TRHR: variants seen among roughly 807,000 people sequenced by gnomAD.
TRHR encodes thyrotropin-releasing hormone receptor.
In TRHR, 14 loss-of-function variants were observed where a neutral mutation model predicts 28.0. That is an observed-to-expected ratio of 0.50 (90% confidence interval 0.33 to 0.78). TRHR has a LOEUF of 0.78. Among genes scored for constraint, TRHR ranks in the 30% least tolerant of loss-of-function variants. The probability of loss-of-function intolerance (pLI) is 0.02; values close to 1 mark genes in which losing one functional copy is unlikely to be tolerated. For missense variants in TRHR, 438 were observed against 469.5 expected (o/e 0.93, Z 0.62); for synonymous variants, 176 against 171.9 (o/e 1.02, Z -0.18).
At chr8:109,105,549 G>A (rs578238569) in intron 2 of TRHR, among the ~76,000 whole-genome samples, 2 of 152,214 alleles carry the variant, frequency 1.3e-5, no homozygotes, top group African/African-American at 4.8e-5. Flanking sequence ...TCTTTCTAAG[G>A]AGAAATGGGA....
At chr8:109,091,681 T>A (rs1007798186) in intron 2 of TRHR, among the ~76,000 whole-genome samples, 10 of 152,228 alleles carry the variant, frequency 6.6e-5, no homozygotes, top group African/African-American at 2.4e-4. Context: ...ACTTTCATTC[T>A]CTATGCAGAA....
intron 2 of TRHR, among the ~76,000 whole-genome samples, chr8:109,098,263 G>A (rs1219646821): frequency 6.6e-6 from 1 of 151,632 alleles, no homozygotes; most frequent in African/African-American, 2.4e-5. Flanking sequence ...CTGAATAGCT[G>A]AGACTACAGG....
At chr8:109,116,629 C>T (rs1345239651) in intron 2 of TRHR, among the ~76,000 whole-genome samples, 4 of 152,056 alleles carry the variant, frequency 2.6e-5, no homozygotes, top group Non-Finnish European at 5.9e-5. Context: ...GTTTGTATTT[C>T]TGTGGGATCA....
Position 109,099,656 on chromosome 8 carries a change from T to A in TRHR, c.789+11355T>A, listed in dbSNP as rs1811647572. Among the ~76,000 whole-genome samples, 3 of 152,148 alleles carry A rather than the reference T, an allele frequency of 2.0e-5. No homozygotes were observed. In the South Asian group the frequency reaches 6.2e-4, roughly 31 times the overall value. On this transcript the variant is annotated intron_variant, in intron 2 of 2. Transcript: ENST00000518632. ...AAACAAGGCCACATACATATGCACATGGATTAGGATGCATAATGTGAAACA... is the reference window on the plus strand; with the variant it reads ...AAACAAGGCCACATACATATGCACAAGGATTAGGATGCATAATGTGAAACA...
At chr8:109,118,132 T>C (rs1218555558) in intron 2 of TRHR, among the ~76,000 whole-genome samples, 1 of 151,892 alleles carries the variant, frequency 6.6e-6, no homozygotes, top group Non-Finnish European at 1.5e-5. Context: ...GAATTCAAGC[T>C]CACTTGGACA....
chr8:109,108,354 T>C (rs978723248), intron 2 of TRHR, among the ~76,000 whole-genome samples: 4 of 152,176 alleles, frequency 2.6e-5, no homozygotes, highest in African/African-American at 7.2e-5. Context: ...ATCACTTATC[T>C]GTGTCTCTGT....
chr8:109,111,309 G>A (rs1811827546), intron 2 of TRHR, among the ~76,000 whole-genome samples: 1 of 152,190 alleles, frequency 6.6e-6, no homozygotes, highest in East Asian at 1.9e-4. Context: ...ATCATGTTAA[G>A]TTCATTCAGC....
At chr8:109,115,702 T>C (rs111728049) in intron 2 of TRHR, among the ~76,000 whole-genome samples, 60,121 of 151,520 alleles carry the variant, frequency 0.4, 12,095 homozygotes, top group Admixed American at 0.5. Flanking sequence ...TCAGGAGATT[T>C]TGGGCTGAGA....
At chr8:109,096,717 T>G (rs1453391836) in intron 2 of TRHR, among the ~76,000 whole-genome samples, 1 of 152,180 alleles carries the variant, frequency 6.6e-6, no homozygotes, top group African/African-American at 2.4e-5. Context: ...TCTTTTTTTG[T>G]GGAGAGATGG....
At chr8:109,097,331 A>AAT (rs202140526) in intron 2 of TRHR, among the ~76,000 whole-genome samples, 31 of 151,718 alleles carry the variant, frequency 2.0e-4, no homozygotes, top group Admixed American at 1.1e-3. Context: ...TCTTCTTAAA[A>AAT]ATATATATAT....
At chr8:109,116,234 G>A (rs1811919549) in intron 2 of TRHR, among the ~76,000 whole-genome samples, 2 of 152,068 alleles carry the variant, frequency 1.3e-5, no homozygotes, top group South Asian at 2.1e-4. Flanking sequence ...TTGCATCGAT[G>A]TTCATCAGGG....
At chr8:109,097,472 T>A (rs1334067028) in intron 2 of TRHR, among the ~76,000 whole-genome samples, 1 of 152,166 alleles carries the variant, frequency 6.6e-6, no homozygotes, top group African/African-American at 2.4e-5. Context: ...TTATACCAGG[T>A]ATTGTCTAAA....
intron 2 of TRHR, among the ~76,000 whole-genome samples, chr8:109,093,894 C>A (rs113219107): frequency 0.024 from 3,617 of 151,706 alleles, 148 homozygotes; most frequent in African/African-American, 0.083. Flanking sequence ...TAGTTACCGA[C>A]CAGCCTTCAC....
chr8:109,087,584 C>G lies in TRHR; in HGVS notation c.72C>G (p.Tyr24Ter). ...LQPRAVVALEYQVVTILLVLI... is the reference protein window; with the variant it reads ...LQPRAVVALE ...CACGAGCAGTGGTGGCCTTAGAATA[C>G]CAGGTGGTCACCATCTTACTTGTAC... Residue 24 changes from tyrosine (Y) to a stop codon, truncating the protein, a stop_gained, in exon 2 of 3, where the codon TAC (tyrosine) becomes TAG (stop). Coordinates refer to ENST00000518632, the MANE Select transcript of TRHR (RefSeq NM_003301.7). LOFTEE classifies it high-confidence loss of function. The G allele has an allele frequency of 6.2e-7, 1 of 1,614,198 alleles. No individual in the cohort carries two copies. Among genetic ancestry groups the G allele is most frequent in the Non-Finnish European group, 8.5e-7 (1 of 1,180,034 alleles).
chr8:109,118,758 C>T (rs1016793486), intron 2 of TRHR, among the ~76,000 whole-genome samples: 1 of 151,874 alleles, frequency 6.6e-6, no homozygotes, highest in Non-Finnish European at 1.5e-5. Flanking sequence ...TCTCTTACTT[C>T]TGACAGATAA....
At chr8:109,118,341 T>C (rs1811950380) in intron 2 of TRHR, among the ~76,000 whole-genome samples, 2 of 151,992 alleles carry the variant, frequency 1.3e-5, no homozygotes, top group African/African-American at 2.4e-5. Flanking sequence ...CTGACTTTTT[T>C]GCATTATTCT....
chr8:109,091,760 G>T (rs899490608), intron 2 of TRHR, among the ~76,000 whole-genome samples: 1 of 152,172 alleles, frequency 6.6e-6, no homozygotes, highest in African/African-American at 2.4e-5. Flanking sequence ...ACATCTAAAT[G>T]TTGGGTAAAT....
At chr8:109,110,178 AC>A (rs1811809585) in intron 2 of TRHR, among the ~76,000 whole-genome samples, 1 of 152,102 alleles carries the variant, frequency 6.6e-6, no homozygotes, top group Non-Finnish European at 1.5e-5. Context: ...TGAATAAAAA[AC>A]TTTTTTTCCC....
chr8:109,105,706 A>G (rs1323478484), intron 2 of TRHR, among the ~76,000 whole-genome samples: 1 of 152,176 alleles, frequency 6.6e-6, no homozygotes, highest in Non-Finnish European at 1.5e-5. Flanking sequence ...TATTAAATAA[A>G]CAGCCCATTT....
Sources: gnomAD v4.1 joint callset for allele counts (sites outside exome capture counted in the v4.1 genomes callset) on GRCh38, gnomAD v4.1.1 for gene constraint, MANE v1.5 for transcripts, NCBI Gene and HGNC (gene_info 2026-07-23, HGNC 2026-07-21) for gene names.